The following DMRT1 variants were observed in gnomAD, a reference collection of about 807,000 sequenced individuals.
DMRT1 encodes doublesex and mab-3 related transcription factor 1.
DMRT1 carries 7 observed loss-of-function variants against 32.3 expected under a neutral mutation model. The ratio of observed to expected loss-of-function variants is 0.22; its 90% CI spans 0.12 to 0.41. DMRT1 has a LOEUF of 0.41. Among genes scored for constraint, DMRT1 ranks in the 10% least tolerant of loss-of-function variants. The pLI, the probability that DMRT1 is intolerant of heterozygous loss-of-function variation, is 1.00. For synonymous variants in DMRT1, 278 were observed against 206.1 expected, an observed-to-expected ratio of 1.35 and a Z score of -2.99; for missense variants, 625 against 500.5, an observed-to-expected ratio of 1.25 and a Z score of -2.37.
rs140644995 is a variant in DMRT1, at chr9:932,070, G to A, written c.967+15163G>A. On this transcript the variant is annotated intron_variant, in intron 4 of 4. Coordinates refer to ENST00000382276, the MANE Select transcript of DMRT1 (RefSeq NM_021951.3). ...GATCGCATCCCTAGAGCCAGCGGTG[G>A]CTCTCAGAGATAGAGAACGCAGTGG... Among the ~76,000 whole-genome samples the A allele has an allele frequency of 5.3e-5, 8 of 152,274 alleles. No individual in the cohort carries two copies. The East Asian group carries it at 1.5e-3, about 29-fold the overall frequency.
At position 916,747 on chromosome 9, in the gene DMRT1, C is replaced by CT. The variant is rs762346214; in HGVS notation, c.823-10dup. On this transcript the variant is annotated splice_polypyrimidine_tract_variant and intron_variant, in intron 3 of 4. Transcript: ENST00000382276. ...CAATGTTGATCTCAGTATATTTCTT[C>CT]TTTTTTCTTAAGCAGATGAAGAACA... 18 of 1,613,864 alleles carry CT rather than the reference C, an allele frequency of 1.1e-5. No individual in the cohort carries two copies. The South Asian group carries it at 2.0e-4, about 18-fold the overall frequency.
chr9:909,707 A>G (rs373971871), intron 3 of DMRT1, among the ~76,000 whole-genome samples: 2 of 78,716 alleles, frequency 2.5e-5, no homozygotes, highest in African/African-American at 1.1e-4. Flanking sequence ...ATACCAAGGG[A>G]GTTTTTTTGT....
At chr9:959,533 GT>G (rs1586666736) in intron 4 of DMRT1, among the ~76,000 whole-genome samples, 1 of 152,042 alleles carries the variant, frequency 6.6e-6, no homozygotes, top group East Asian at 1.9e-4. Context: ...GTTTTGTTTT[GT>G]TTTTTGTTTT....
chr9:929,591 C>A (rs1471643703), intron 4 of DMRT1, among the ~76,000 whole-genome samples: 2 of 151,920 alleles, frequency 1.3e-5, no homozygotes, highest in East Asian at 1.9e-4. Context: ...AAAGAATATT[C>A]TTTCTTTCTT....
chr9:941,423 T>TA (rs1586646119), intron 4 of DMRT1, among the ~76,000 whole-genome samples: 1 of 149,798 alleles, frequency 6.7e-6, no homozygotes, highest in East Asian at 2.0e-4. Flanking sequence ...TATGCTAAGT[T>TA]ACATGTCGTT....
rs1181214539 is a variant in DMRT1, at chr9:892,213, A to T, written c.539-1699A>T. On this transcript the variant is annotated intron_variant, in intron 2 of 4. Transcript: ENST00000382276. ...CACAGCCTGCTTGCTCTGTGATTCAAGTCAGCTTTAACCTCTGTGACGTTG... is the reference window on the plus strand; with the variant it reads ...CACAGCCTGCTTGCTCTGTGATTCATGTCAGCTTTAACCTCTGTGACGTTG... Among the ~76,000 whole-genome samples the T allele has an allele frequency of 2.6e-5, 4 of 152,312 alleles. 1 individual carries two copies. Among genetic ancestry groups the T allele is most frequent in the African/African-American group, 9.6e-5 (4 of 41,568 alleles).
intron 3 of DMRT1, among the ~76,000 whole-genome samples, chr9:907,367 T>A (rs1439913948): frequency 6.6e-6 from 1 of 152,176 alleles, no homozygotes; most frequent in Admixed American, 6.6e-5. Flanking sequence ...ACTAGACAAA[T>A]GTAGGTTTCC....
At chr9:877,690 C>T (rs1458031462) in intron 2 of DMRT1, among the ~76,000 whole-genome samples, 1 of 152,124 alleles carries the variant, frequency 6.6e-6, no homozygotes, top group Non-Finnish European at 1.5e-5. Flanking sequence ...GTTCACTTTC[C>T]CAGTAGCAGT....
chr9:879,496 G>A (rs181336288), intron 2 of DMRT1, among the ~76,000 whole-genome samples: 3 of 152,174 alleles, frequency 2.0e-5, no homozygotes, highest in Non-Finnish European at 2.9e-5. Context: ...GTAGGCTGTT[G>A]TTCTAATGGA....
intron 3 of DMRT1, among the ~76,000 whole-genome samples, chr9:909,750 G>A (rs1423306241): frequency 6.6e-6 from 1 of 152,004 alleles, no homozygotes; most frequent in Admixed American, 6.6e-5. Context: ...GTCTTAATCT[G>A]TCACCCAGGT....
At chr9:888,300 TTC>T (rs1441503428) in intron 2 of DMRT1, among the ~76,000 whole-genome samples, 1 of 90,162 alleles carries the variant, frequency 1.1e-5, no homozygotes, top group East Asian at 2.9e-4. Context: ...TACAATGGAA[TTC>T]TTTTTTTTTT....
intron 4 of DMRT1, among the ~76,000 whole-genome samples, chr9:939,413 T>A (rs1156675851): frequency 1.3e-5 from 2 of 152,224 alleles, no homozygotes; most frequent in African/African-American, 4.8e-5. Flanking sequence ...TCTCTAAAAC[T>A]CTTATGTCAG....
chr9:842,390 A>G (rs1476888254), intron 1 of DMRT1, 198 bp downstream of exon 1: 1 of 669,640 alleles, frequency 1.5e-6, no homozygotes, highest in Admixed American at 2.9e-5. Context: ...GCACACCACC[A>G]TGCCCGGCTA....
chr9:883,500 C>T (rs538786777), intron 2 of DMRT1, among the ~76,000 whole-genome samples: 29 of 151,816 alleles, frequency 1.9e-4, no homozygotes, highest in Non-Finnish European at 3.2e-4. Context: ...CCCCGACCCC[C>T]AAAAGGAGAG....
At chr9:960,807 T>C (rs1819747426) in intron 4 of DMRT1, among the ~76,000 whole-genome samples, 1 of 152,202 alleles carries the variant, frequency 6.6e-6, no homozygotes, top group African/African-American at 2.4e-5. Flanking sequence ...AGGCTGTGTT[T>C]CTGCTGCCTC....
At chr9:884,460 A>G (rs1044540869) in intron 2 of DMRT1, among the ~76,000 whole-genome samples, 28 of 152,066 alleles carry the variant, frequency 1.8e-4, no homozygotes, top group Non-Finnish European at 3.5e-4. Flanking sequence ...GAACATGAGT[A>G]TTAGAATAAG....
chr9:936,932 A>G (rs1182944400), intron 4 of DMRT1, among the ~76,000 whole-genome samples: 1 of 152,148 alleles, frequency 6.6e-6, no homozygotes, highest in Non-Finnish European at 1.5e-5. Context: ...CATCACCACT[A>G]TCTATTTGCA....
chr9:848,659 T>G (rs1839009481), intron 2 of DMRT1, among the ~76,000 whole-genome samples: 1 of 150,452 alleles, frequency 6.6e-6, no homozygotes, highest in Admixed American at 6.6e-5. Flanking sequence ...GTTCAAATGA[T>G]TCTCCTGTCT....
At chr9:878,200 G>GCCCCCCCTC (rs1816585196) in intron 2 of DMRT1, among the ~76,000 whole-genome samples, 1 of 94,040 alleles carries the variant, frequency 1.1e-5, no homozygotes, top group Non-Finnish European at 2.0e-5. Context: ...TGCAGCTGCT[G>GCCCCCCCTC]CCCCCCCCCC....
Sources: gnomAD v4.1 joint callset for allele counts (sites outside exome capture counted in the v4.1 genomes callset) on GRCh38, gnomAD v4.1.1 for gene constraint, MANE v1.5 for transcripts, NCBI Gene and HGNC (gene_info 2026-07-23, HGNC 2026-07-21) for gene names.